The following PISD variants were observed in gnomAD, a reference collection of about 807,000 sequenced individuals.
The protein encoded by PISD is phosphatidylserine decarboxylase proenzyme, mitochondrial.
In PISD, 31 loss-of-function variants were observed where a neutral mutation model predicts 43.5. The observed-to-expected ratio is 0.71, with a 90% CI of 0.54 to 0.96. The LOEUF (loss-of-function observed/expected upper bound fraction) is 0.96, where lower values mean the gene tolerates loss of function less well. Among genes scored for constraint, PISD ranks in the 40% least tolerant of loss-of-function variants. PISD has a pLI of 0.00. For missense variants in PISD, 523 were observed against 548.4 expected (o/e 0.95, Z 0.46); for synonymous variants, 259 against 228.7 (o/e 1.13, Z -1.20).
At chr22:31,625,179 C>T (rs529541679) in intron 3 of PISD, among the ~76,000 whole-genome samples, 6 of 152,346 alleles carry the variant, frequency 3.9e-5, no homozygotes, top group African/African-American at 9.6e-5. Flanking sequence ...AGACGGCAGG[C>T]GAACCAGTGG....
In PISD at chr22:31,618,533, A is replaced by G. The variant is rs1406854600; in HGVS notation, c.*1079T>C. Reference sequence around the variant, plus strand: ...TTTATTTCAAAATGCTTTGCAATTAAATGAATTACTGTTCAGAAGTCTCCC... The same window carrying G: ...TTTATTTCAAAATGCTTTGCAATTAGATGAATTACTGTTCAGAAGTCTCCC... On this transcript the variant is annotated 3_prime_UTR_variant, in exon 8 of 8. Coordinates refer to ENST00000439502, the MANE Select transcript of PISD (RefSeq NM_001326411.2). 1.9e-6 allele frequency: 2 copies of G among 1,080,336 alleles called. No homozygotes were observed. Among genetic ancestry groups the G allele is most frequent in the Admixed American group, 6.6e-5 (2 of 30,318 alleles). 66.9% of individuals were successfully genotyped at this position (1,080,336 alleles called of 1,614,324 possible). A position where few individuals can be genotyped will look rare whatever the true frequency, so the allele number is the denominator to read the frequency against.
chr22:31,644,918 T>G (rs2073840482), intron 3 of PISD, among the ~76,000 whole-genome samples: 1 of 151,854 alleles, frequency 6.6e-6, no homozygotes, highest in African/African-American at 2.4e-5. Flanking sequence ...AGGTCACAAG[T>G]TCAAGACCAG....
At position 31,619,247 on chromosome 22, in the gene PISD, T is replaced by TG. The variant is rs1240493556; in HGVS notation, c.*364dup. 3 of 330,208 alleles carry TG rather than the reference T, an allele frequency of 9.1e-6. No individual in the cohort carries two copies. Among genetic ancestry groups the TG allele is most frequent in the South Asian group, 7.3e-5 (3 of 41,304 alleles). 20.5% of individuals were successfully genotyped at this position (330,208 alleles called of 1,614,324 possible). ...GGCCAACAGAAAACAGCTCAGGTGA[T>TG]GGGGGGAGGAGCAGCAAGAAAAAAC... is the stretch of plus-strand genomic sequence containing the variant. On this transcript the variant is annotated 3_prime_UTR_variant, in exon 8 of 8. Coordinates refer to ENST00000439502, the MANE Select transcript of PISD (RefSeq NM_001326411.2).
intron 1 of PISD, among the ~76,000 whole-genome samples, 159 bp downstream of exon 1, chr22:31,661,985 G>A (rs979099145): frequency 2.6e-5 from 4 of 152,166 alleles, no homozygotes; most frequent in South Asian, 2.1e-4. Flanking sequence ...GCCCTACGCA[G>A]GAGCAGTCGC....
intron 3 of PISD, among the ~76,000 whole-genome samples, chr22:31,635,024 G>C (rs1317783854): frequency 6.6e-6 from 1 of 151,742 alleles, no homozygotes; most frequent in African/African-American, 2.4e-5. Flanking sequence ...AAATTACTCA[G>C]GTGTGGTGGC....
rs2073698140 is a variant in PISD, at chr22:31,640,892, T to TTTTTTTTTTTTTG, written c.321+7196_321+7208dup. Among the ~76,000 whole-genome samples, 2 of 89,718 alleles carry TTTTTTTTTTTTTG rather than the reference T, an allele frequency of 2.2e-5. 1 individual carries two copies. The highest frequency in any genetic ancestry group is 4.4e-5 in the Non-Finnish European group (2 of 45,582). The allele number at this position is 89,718 out of a possible 152,430, so 58.9% of individuals were successfully genotyped here. ...CACCACACCCGGTGTTTTTTTTTTT[T>TTTTTTTTTTTTTG]TTTTTTTTTTTTGAGATGGAGTTTC... On this transcript the variant is annotated intron_variant, in intron 3 of 7. Transcript: ENST00000439502.
chr22:31,630,428 C>A lies in PISD; in HGVS notation c.322-8543G>T. Reference sequence around the variant, plus strand: ...CAGCCCGGGCCCCGCCAATGCCAGCCGGCACCCCCTCACTTCCTGCAGCCG... The same window carrying A: ...CAGCCCGGGCCCCGCCAATGCCAGCAGGCACCCCCTCACTTCCTGCAGCCG... On this transcript the variant is annotated intron_variant, in intron 3 of 7. Coordinates refer to ENST00000439502, the MANE Select transcript of PISD (RefSeq NM_001326411.2). The surrounding 1 kb of genome is among the most constrained non-coding windows in gnomAD (Gnocchi z 4.4). 6.7e-6 allele frequency: 1 copy of A among 150,020 alleles called. No individual in the cohort carries two copies. The highest frequency in any genetic ancestry group is 1.5e-5 in the Non-Finnish European group (1 of 67,050). The allele number at this position is 150,020 out of a possible 1,614,324, so 9.3% of individuals were successfully genotyped here.
chr22:31,656,649 A>AAAACAAATAAAT lies in PISD; in HGVS notation c.65+5494_65+5495insATTTATTTGTTT, dbSNP rs781109098. ...GGTGACAGAGCAAGACTGCGTCTCA[A>AAAACAAATAAAT]AAATAAATAAATAAATAAATAAATA... On this transcript the variant is annotated intron_variant, in intron 1 of 7. Coordinates refer to ENST00000439502, the MANE Select transcript of PISD (RefSeq NM_001326411.2). 5.1e-3 allele frequency among the ~76,000 whole-genome samples: 768 copies of AAAACAAATAAAT among 149,242 alleles called. 4 individuals are homozygous for AAAACAAATAAAT. Among genetic ancestry groups the AAAACAAATAAAT allele is most frequent in the African/African-American group, 0.017 (694 of 40,206 alleles).
chr22:31,623,133 G>C (rs949444379), intron 3 of PISD, among the ~76,000 whole-genome samples: 1 of 152,162 alleles, frequency 6.6e-6, no homozygotes, highest in African/African-American at 2.4e-5. Context: ...TCCTCCTTGG[G>C]GTCAACCTGC....
intron 1 of PISD, among the ~76,000 whole-genome samples, chr22:31,655,018 G>C (rs1019643169): frequency 6.7e-6 from 1 of 148,438 alleles, no homozygotes; most frequent in African/African-American, 2.5e-5. Flanking sequence ...AGAGGTTGCA[G>C]TGAGCCGAGA....
intron 6 of PISD, 44 bp downstream of exon 6, chr22:31,620,952 G>A (rs772137869): frequency 3.8e-6 from 6 of 1,574,908 alleles, no homozygotes; most frequent in Admixed American, 2.0e-5. Context: ...GCCTCTATAT[G>A]AAGCCCACAG....
chr22:31,649,961 G>GA lies in PISD; in HGVS notation c.145+737dup, dbSNP rs373794357. Among the ~76,000 whole-genome samples, 727 of 152,262 alleles carry GA rather than the reference G, an allele frequency of 4.8e-3. 4 individuals carry two copies. The highest frequency in any genetic ancestry group is 0.017 in the African/African-American group (693 of 41,560). Reference sequence around the variant, plus strand: ...GAAGCTAGGCAAGAGGCATGGAACAGATTCTCCCTCACAGCCCTCCAAAGG... The same window carrying GA: ...GAAGCTAGGCAAGAGGCATGGAACAGAATTCTCCCTCACAGCCCTCCAAAGG... On this transcript the variant is annotated intron_variant, in intron 2 of 7. Transcript: ENST00000439502.
intron 1 of PISD, among the ~76,000 whole-genome samples, chr22:31,659,859 G>A (rs1601466761): frequency 1.3e-5 from 2 of 152,026 alleles, no homozygotes; most frequent in African/African-American, 4.8e-5. Flanking sequence ...TGGGATTACA[G>A]GCATGCGCCA....
At chr22:31,662,090 C>T (rs1359912866) in intron 1 of PISD, 54 bp downstream of exon 1, 18 of 1,483,894 alleles carry the variant, frequency 1.2e-5, no homozygotes, top group African/African-American at 9.7e-5. Flanking sequence ...CTTCAGACCC[C>T]AGCTTGGTCC....
At chr22:31,650,542 G>A (rs58926861) in intron 2 of PISD, among the ~76,000 whole-genome samples, 157 bp downstream of exon 2, 16,846 of 143,706 alleles carry the variant, frequency 0.12, 1,316 homozygotes, top group African/African-American at 0.2. Context: ...AAAAAAAAAA[G>A]AAAAAGAAAA....
At chr22:31,625,722 C>G in intron 3 of PISD, 1 of 1,562,746 alleles carries the variant, frequency 6.4e-7, no homozygotes, top group Non-Finnish European at 8.7e-7. Context: ...GAGGTCGTGG[C>G]GGGGAACCGT....
intron 3 of PISD, among the ~76,000 whole-genome samples, chr22:31,622,360 A>G (rs2072632872): frequency 6.6e-6 from 1 of 152,232 alleles, no homozygotes; most frequent in Non-Finnish European, 1.5e-5. Context: ...TCTACAGCCC[A>G]AAGTGTGTCC....
intron 3 of PISD, chr22:31,623,987 G>A (rs2072733360): frequency 1.4e-6 from 1 of 737,970 alleles, no homozygotes; most frequent in Admixed American, 2.8e-5. Flanking sequence ...GGGGGTGATG[G>A]AGCCCAGCAA....
upstream of PISD, chr22:31,662,348 A>C (rs1009637899): frequency 2.5e-6 from 2 of 814,130 alleles, no homozygotes; most frequent in African/African-American, 1.7e-5. Flanking sequence ...CCCTGTGGCT[A>C]CTCCCCACCT....
Sources: gnomAD v4.1 joint callset for allele counts (sites outside exome capture counted in the v4.1 genomes callset) on GRCh38, gnomAD v4.1.1 for gene constraint, Gnocchi (gnomAD v3.1) non-coding constraint, MANE v1.5 for transcripts, NCBI Gene and HGNC (gene_info 2026-07-23, HGNC 2026-07-21) for gene names.